TBC1D32: variants seen among roughly 807,000 people sequenced by gnomAD.
TBC1D32 encodes protein broad-minded.
Under a neutral mutation model 170.3 loss-of-function variants are expected in TBC1D32, and 151 were observed. That is an observed-to-expected ratio of 0.89 (90% CI 0.78 to 1.01). The LOEUF (loss-of-function observed/expected upper bound fraction) is 1.01, where lower values mean the gene tolerates loss of function less well. TBC1D32 is among the 50% of genes least tolerant of loss of function. The probability of loss-of-function intolerance (pLI) is 0.00; values close to 1 mark genes in which losing one functional copy is unlikely to be tolerated. For missense variants in TBC1D32, 1,464 were observed against 1,457.1 expected, an observed-to-expected ratio of 1.00 and a Z score of -0.08; for synonymous variants, 498 against 488.0, an observed-to-expected ratio of 1.02 and a Z score of -0.27.
At chr6:121,326,691 T>C (rs1425313564) in intron 1 of TBC1D32, among the ~76,000 whole-genome samples, 2 of 151,988 alleles carry the variant, frequency 1.3e-5, no homozygotes, top group Admixed American at 6.6e-5. Flanking sequence ...GTCCAAGTTC[T>C]AAATTAAATG....
At chr6:121,315,208 A>T (rs1236817714) in intron 3 of TBC1D32, among the ~76,000 whole-genome samples, 1 of 152,202 alleles carries the variant, frequency 6.6e-6, no homozygotes, top group Non-Finnish European at 1.5e-5. Context: ...GTTTGGGTAA[A>T]TTACTTAACT....
At chr6:121,147,498 A>G (rs891764236) in intron 24 of TBC1D32, among the ~76,000 whole-genome samples, 5 of 151,872 alleles carry the variant, frequency 3.3e-5, no homozygotes, top group Non-Finnish European at 7.4e-5. Flanking sequence ...TTGACTTTTA[A>G]ATTATTGCCA....
At chr6:121,131,275 T>C (rs148678737) in intron 25 of TBC1D32, among the ~76,000 whole-genome samples, 223 of 151,912 alleles carry the variant, frequency 1.5e-3, no homozygotes, top group African/African-American at 5.2e-3. Context: ...ATAAAAGTGA[T>C]TCAGAATAAC....
intron 19 of TBC1D32, among the ~76,000 whole-genome samples, 193 bp from the exon 20 acceptor site, chr6:121,239,381 T>C (rs1232194807): frequency 2.0e-5 from 3 of 152,146 alleles, no homozygotes; most frequent in Non-Finnish European, 2.9e-5. Flanking sequence ...TGATACTTCA[T>C]TATCATAAAA....
At chr6:121,172,575 G>A (rs951442829) in intron 22 of TBC1D32, among the ~76,000 whole-genome samples, 2 of 152,186 alleles carry the variant, frequency 1.3e-5, no homozygotes, top group Non-Finnish European at 2.9e-5. Flanking sequence ...ACCTGCTGAG[G>A]TGCTTGCTGA....
rs1582773321 is a variant in TBC1D32 at position 121,101,307 on chromosome 6, T to A, written c.3465+4716A>T. ...AAAAAGAGAGAATTTTAGACCAATA[T>A]CCCTGATGAACATGGATGCAAAAAT... On this transcript the variant is annotated intron_variant, in intron 30 of 31. Transcript: ENST00000398212. Among the ~76,000 whole-genome samples the A allele has an allele frequency of 1.3e-5, 2 of 152,034 alleles. 1 individual carries two copies. The highest frequency in any genetic ancestry group is 3.9e-4 in the East Asian group (2 of 5,160).
chr6:121,313,563 T>C (rs1304717821), intron 3 of TBC1D32, among the ~76,000 whole-genome samples: 4 of 152,166 alleles, frequency 2.6e-5, no homozygotes, highest in Non-Finnish European at 5.9e-5. Flanking sequence ...TCTAGGCAGC[T>C]GCAGAATCAA....
intron 23 of TBC1D32, 70 bp downstream of exon 23, chr6:121,160,877 CT>C: frequency 8.4e-7 from 1 of 1,196,522 alleles, no homozygotes; most frequent in Non-Finnish European, 1.2e-6. Flanking sequence ...TTTAGGGTGA[CT>C]TTGAGTTGGC....
At chr6:121,246,343 C>A (rs559832406) in intron 17 of TBC1D32, among the ~76,000 whole-genome samples, 1 of 151,944 alleles carries the variant, frequency 6.6e-6, no homozygotes, top group Non-Finnish European at 1.5e-5. Flanking sequence ...CTAAAATGAA[C>A]AATACACATT....
At chr6:121,155,677 T>C (rs1583004536) in intron 24 of TBC1D32, among the ~76,000 whole-genome samples, 1 of 152,162 alleles carries the variant, frequency 6.6e-6, no homozygotes, top group Non-Finnish European at 1.5e-5. Context: ...TTGAGATATG[T>C]TCCTTTATGC....
chr6:121,185,238 T>G lies in TBC1D32; in HGVS notation c.2570+19837A>C, dbSNP rs147008222. Among the ~76,000 whole-genome samples, 13 of 152,156 alleles carry G rather than the reference T, an allele frequency of 8.5e-5. No homozygotes were observed. In the East Asian group the frequency reaches 2.5e-3, roughly 29 times the overall value. On this transcript the variant is annotated intron_variant, in intron 22 of 31. Coordinates refer to ENST00000398212, the MANE Select transcript of TBC1D32 (RefSeq NM_152730.6). ...AGGTACTAATATATGATACAACCTA[T>G]AAATCAGATTTAGTAACCGTTTTTC...
chr6:121,110,834 TTCTAGA>T (rs1779130575), intron 29 of TBC1D32, among the ~76,000 whole-genome samples: 1 of 152,210 alleles, frequency 6.6e-6, no homozygotes, highest in Non-Finnish European at 1.5e-5. Context: ...TAGCTAACAG[TTCTAGA>T]TAGAATTCCT....
chr6:121,275,841 G>A (rs935214693), intron 15 of TBC1D32, among the ~76,000 whole-genome samples: 6 of 151,914 alleles, frequency 3.9e-5, no homozygotes, highest in Admixed American at 2.0e-4. Flanking sequence ...TTAATCTAAT[G>A]AGGCTGGGTG....
intron 3 of TBC1D32, among the ~76,000 whole-genome samples, chr6:121,314,387 G>C (rs925287517): frequency 6.6e-6 from 1 of 152,182 alleles, no homozygotes; most frequent in Non-Finnish European, 1.5e-5. Flanking sequence ...CATGTGACAT[G>C]TTCACAAGTT....
chr6:121,118,815 T>C (rs970467562), intron 26 of TBC1D32, among the ~76,000 whole-genome samples: 2 of 152,338 alleles, frequency 1.3e-5, no homozygotes, highest in East Asian at 1.9e-4. Context: ...TCTTTTCTAA[T>C]ATGTAATTGT....
At chr6:121,304,297 G>T in intron 8 of TBC1D32, 68 bp downstream of exon 8, 3 of 1,428,858 alleles carry the variant, frequency 2.1e-6, no homozygotes, top group Non-Finnish European at 2.9e-6. Flanking sequence ...TACTCTTTCT[G>T]TCTGAAACGT....
At chr6:121,327,892 G>A (rs776079774) in intron 1 of TBC1D32, among the ~76,000 whole-genome samples, 2 of 151,944 alleles carry the variant, frequency 1.3e-5, no homozygotes, top group South Asian at 2.1e-4. Context: ...CGTCTCTCCC[G>A]AAGAATTACA....
chr6:121,303,339 C>T (rs1806763866), intron 9 of TBC1D32, among the ~76,000 whole-genome samples: 1 of 152,092 alleles, frequency 6.6e-6, no homozygotes, highest in Non-Finnish European at 1.5e-5. Context: ...GGTCATTCAG[C>T]TTAGATTCAA....
At chr6:121,247,910 T>A (rs1047856069) in intron 17 of TBC1D32, among the ~76,000 whole-genome samples, 10 of 152,072 alleles carry the variant, frequency 6.6e-5, no homozygotes, top group Middle Eastern at 3.4e-3. Flanking sequence ...AGACAGGTCA[T>A]CAAGACAGAA....
Sources: allele counts gnomAD v4.1 joint callset (sites outside exome capture counted in the v4.1 genomes callset), GRCh38; gene constraint gnomAD v4.1.1; transcripts MANE v1.5; gene names NCBI Gene and HGNC (gene_info 2026-07-23, HGNC 2026-07-21).